Variants in ZNF99 observed in about 807,000 individuals in gnomAD.
The protein encoded by ZNF99 is zinc finger protein 99, also known as zinc finger protein ENSP00000375192.
A neutral mutation model predicts 12.8 loss-of-function variants in ZNF99; 8 were observed. The ratio of observed to expected loss-of-function variants is 0.62; its 90% CI spans 0.37 to 1.13. The LOEUF (loss-of-function observed/expected upper bound fraction) is 1.13. Among genes scored for constraint, ZNF99 ranks in the 50% most tolerant of loss-of-function variants. ZNF99 has a pLI of 0.02. For missense variants in ZNF99, 1,007 were observed against 1,006.2 expected (o/e 1.00, Z -0.01); for synonymous variants, 318 against 319.0 (o/e 1.00, Z 0.03).
At chr19:22,765,903 A>G (rs1483335433) in intron 3 of ZNF99, among the ~76,000 whole-genome samples, 6 of 152,130 alleles carry the variant, frequency 3.9e-5, no homozygotes, top group Non-Finnish European at 1.5e-5. Flanking sequence ...ATATGAATAT[A>G]TAGCTTTCTA....
intron 1 of ZNF99, among the ~76,000 whole-genome samples, chr19:22,779,919 G>A (rs1261098687): frequency 2.0e-5 from 3 of 151,992 alleles, no homozygotes; most frequent in Admixed American, 6.6e-5. Context: ...ATCTAACTTC[G>A]TTTTATTTTA....
intron 3 of ZNF99, among the ~76,000 whole-genome samples, chr19:22,766,321 T>C (rs1217159017): frequency 3.4e-5 from 5 of 148,196 alleles, no homozygotes; most frequent in Non-Finnish European, 5.9e-5. Flanking sequence ...ATGAAACTGG[T>C]ATGTAACTTT....
At chr19:22,763,564 C>T (rs1722937433) in intron 3 of ZNF99, among the ~76,000 whole-genome samples, 1 of 152,126 alleles carries the variant, frequency 6.6e-6, no homozygotes, top group African/African-American at 2.4e-5. Context: ...CAAAAGCAAT[C>T]TACAAATTAA....
intron 3 of ZNF99, among the ~76,000 whole-genome samples, chr19:22,762,463 C>T (rs896844225): frequency 7.2e-5 from 11 of 151,844 alleles, no homozygotes; most frequent in Admixed American, 5.9e-4. Context: ...CTGAACAGAC[C>T]AATAATGAGC....
In ZNF99 at chr19:22,754,272, C is replaced by T; in HGVS notation, c.*3042G>A. ...ATCCCAGCTGCTTGGGAGGTTGAGG[C>T]CAGAGAATCGCTTGAACCCAGGAGG... On this transcript the variant is annotated 3_prime_UTR_variant, in exon 4 of 4. Transcript: ENST00000596209. The T allele has an allele frequency of 1.1e-5, 5 of 436,006 alleles. No homozygotes were observed. The highest frequency in any genetic ancestry group is 1.8e-5 in the Non-Finnish European group (4 of 217,484). 27.0% of individuals were successfully genotyped at this position (436,006 alleles called of 1,614,324 possible). A position where few individuals can be genotyped will look rare whatever the true frequency, so the allele number is the denominator to read the frequency against.
chr19:22,760,598 G>T (rs911667816), intron 3 of ZNF99, among the ~76,000 whole-genome samples: 21 of 152,142 alleles, frequency 1.4e-4, no homozygotes, highest in Admixed American at 5.9e-4. Flanking sequence ...CAAAAAATTC[G>T]CCAGGTGTGG....
chr19:22,757,311 G>A lies in ZNF99; in HGVS notation c.*3C>T, dbSNP rs1197584644. 1.9e-6 allele frequency: 3 copies of A among 1,611,956 alleles called. No homozygotes were observed. In the African/African-American group the frequency reaches 4.0e-5, roughly 22 times the overall value. On this transcript the variant is annotated 3_prime_UTR_variant, in exon 4 of 4. Transcript: ENST00000596209. ...CATTTGTAGGGTTTCTTTCCAGTATGAATTATCTCATGTTTTCTAAGGGCT... is the reference window on the plus strand; with the variant it reads ...CATTTGTAGGGTTTCTTTCCAGTATAAATTATCTCATGTTTTCTAAGGGCT...
chr19:22,770,104 G>A, intron 1 of ZNF99: 1 of 966,706 alleles, frequency 1.0e-6, no homozygotes, highest in Non-Finnish European at 1.3e-6. Flanking sequence ...AAGCTCACCA[G>A]TAATGCCTGT....
chr19:22,770,361 C>CT (rs35661475), intron 1 of ZNF99: 25,171 of 145,766 alleles, frequency 0.17, 2,063 homozygotes, highest in Non-Finnish European at 0.2. Flanking sequence ...TGTCAGACAG[C>CT]TTTTTTTTTT....
At chr19:22,782,661 C>CTTTTTTT (rs71180598) in intron 1 of ZNF99, among the ~76,000 whole-genome samples, 1 of 86,638 alleles carries the variant, frequency 1.2e-5, no homozygotes, top group Admixed American at 1.6e-4. Flanking sequence ...CGCACCTGGC[C>CTTTTTTT]TTTTTTTTTT....
chr19:22,770,021 A>G lies in ZNF99; in HGVS notation c.4-697T>C, dbSNP rs761855662. 10 of 1,325,756 alleles carry G rather than the reference A, an allele frequency of 7.5e-6. No homozygotes were observed. The South Asian group carries it at 1.2e-4, about 17-fold the overall frequency. 82.1% of individuals were successfully genotyped at this position (1,325,756 alleles called of 1,614,324 possible). On this transcript the variant is annotated intron_variant, in intron 1 of 3. Transcript: ENST00000596209. ...ACACCTCTCAAATTTTAATGTGTAC[A>G]ATTAACTGGAGATCTTGTTAAGCAT...
At position 22,758,413 on chromosome 19, in the gene ZNF99, T is replaced by G. The variant is rs761583756; in HGVS notation, c.1496A>C (p.His499Pro). 6.2e-7 allele frequency: 1 copy of G among 1,605,096 alleles called. No homozygotes were observed. The highest frequency in any genetic ancestry group is 1.3e-5 in the African/African-American group (1 of 74,842). Reference protein sequence around the residue: ...AFKWSSKLTVHKVIHMEEKPC... With the variant: ...AFKWSSKLTVPKVIHMEEKPC... ...TTTCTCTTCCATATGAATTACCTTA[T>G]GTACAGTAAGTTTTGAGGACCACTT... Residue 499 changes from histidine (H) to proline (P), a missense_variant, in exon 4 of 4, where the codon CAT becomes CCT. His to Pro is a moderately conservative substitution (Grantham distance 77, BLOSUM62 -2). Transcript: ENST00000596209.
Position 22,768,337 on chromosome 19 carries a change from A to T in ZNF99, c.194T>A (p.Met65Lys). 1 of 1,613,872 alleles carries T rather than the reference A, an allele frequency of 6.2e-7. No homozygotes were observed. Among genetic ancestry groups the T allele is most frequent in the South Asian group, 1.1e-5 (1 of 91,062 alleles). Residue 65 changes from methionine (M) to lysine (K), a missense_variant, in exon 3 of 4, where the codon ATG (methionine) becomes AAG (lysine). Met to Lys is a moderately conservative substitution (Grantham distance 95). Transcript: ENST00000596209. ...CLKQGKEPWNMKRHEMVTKPP... is the reference protein window; with the variant it reads ...CLKQGKEPWNKKRHEMVTKPP... ...TTTAGTTACCATCTCATGTCTCTTC[A>T]TATTCCAAGGCTCTTTCCCTTGCTT...
chr19:22,756,183 C>G lies in ZNF99; in HGVS notation c.*1131G>C, dbSNP rs1261913119. 6.5e-6 allele frequency: 10 copies of G among 1,549,518 alleles called. No homozygotes were observed. Among genetic ancestry groups the G allele is most frequent in the Non-Finnish European group, 7.9e-6 (9 of 1,141,514 alleles). ...TTAAGGTTTGTAAAATGGTTGAAAGCTTTGACACATTCTTCACATTTTTAG... is the reference window on the plus strand; with the variant it reads ...TTAAGGTTTGTAAAATGGTTGAAAGGTTTGACACATTCTTCACATTTTTAG... On this transcript the variant is annotated 3_prime_UTR_variant, in exon 4 of 4. Coordinates refer to ENST00000596209, the MANE Select transcript of ZNF99 (RefSeq NM_001080409.3).
chr19:22,779,479 C>A (rs972236994), intron 1 of ZNF99, among the ~76,000 whole-genome samples: 15 of 152,176 alleles, frequency 9.9e-5, no homozygotes, highest in African/African-American at 3.6e-4. Context: ...GAGTCAAGAT[C>A]GTGCCACTGC....
chr19:22,756,079 G>A lies in ZNF99; in HGVS notation c.*1235C>T. 2 of 1,404,504 alleles carry A rather than the reference G, an allele frequency of 1.4e-6. No homozygotes were observed. Among genetic ancestry groups the A allele is most frequent in the South Asian group, 1.2e-5 (1 of 82,876 alleles). 87.0% of individuals were successfully genotyped at this position (1,404,504 alleles called of 1,614,324 possible). On this transcript the variant is annotated 3_prime_UTR_variant, in exon 4 of 4. Coordinates refer to ENST00000596209, the MANE Select transcript of ZNF99 (RefSeq NM_001080409.3). ...CATGAATTGTTTTCTGCCTATTAAG[G>A]CTTGAGGACTGGTTAAAAGCTTTGC...
rs1973055087 is a variant in ZNF99, at chr19:22,756,426, A to C, written c.*888T>G. 1.3e-6 allele frequency: 2 copies of C among 1,585,386 alleles called. 1 individual carries two copies. Among genetic ancestry groups the C allele is most frequent in the Admixed American group, 3.4e-5 (2 of 58,634 alleles). ...TTATGTTTAGTAAGGTTTGAGGACT[A>C]AATGCTTTACCACACTCTTCACATT... On this transcript the variant is annotated 3_prime_UTR_variant, in exon 4 of 4. Transcript: ENST00000596209.
In ZNF99 at chr19:22,757,462, G is replaced by T. The variant is rs1395315614; in HGVS notation, c.2447C>A (p.Ser816Tyr). ...TTTACCACATTCTTCACATTTGTAG[G>T]ATTTCTCTCCAGTATGAATTATCTC... Reference protein sequence around the residue: ...KHEIIHTGEKSYKCEECGKAF... With the variant: ...KHEIIHTGEKYYKCEECGKAF... Residue 816 changes from serine to tyrosine, a missense_variant, in exon 4 of 4, where the codon TCC becomes TAC. Physicochemically the swap from Ser to Tyr is moderately radical, Grantham distance 144 (BLOSUM62 -2). Coordinates refer to ENST00000596209, the MANE Select transcript of ZNF99 (RefSeq NM_001080409.3). 1.2e-6 allele frequency: 2 copies of T among 1,610,430 alleles called. No individual in the cohort carries two copies. Among genetic ancestry groups the T allele is most frequent in the Non-Finnish European group, 1.7e-6 (2 of 1,179,534 alleles).
intron 1 of ZNF99, 101 bp downstream of exon 1, chr19:22,783,913 T>G: frequency 6.9e-7 from 1 of 1,455,994 alleles, no homozygotes; most frequent in Non-Finnish European, 9.6e-7. Context: ...GCGCAGACTG[T>G]GGAGCTCACT....
Sources: allele counts gnomAD v4.1 joint callset (sites outside exome capture counted in the v4.1 genomes callset), GRCh38; gene constraint gnomAD v4.1.1; transcripts MANE v1.5; gene names NCBI Gene and HGNC (gene_info 2026-07-23, HGNC 2026-07-21).